The following PHF21A variants were observed in gnomAD, a reference collection of about 807,000 sequenced individuals.
PHF21A encodes PHD finger protein 21A.
In PHF21A, 11 loss-of-function variants were observed where a neutral mutation model predicts 82.5. The ratio of observed to expected loss-of-function variants is 0.13; its 90% CI spans 0.08 to 0.22. PHF21A has a LOEUF of 0.22. Ranked by LOEUF, PHF21A falls within the 10% of genes least tolerant of loss-of-function variation. PHF21A has a pLI of 1.00. For missense variants in PHF21A, 579 were observed against 837.8 expected, an observed-to-expected ratio of 0.69 and a Z score of 3.81; for synonymous variants, 297 against 302.8, an observed-to-expected ratio of 0.98 and a Z score of 0.20.
At chr11:45,987,063 AT>A (rs1182622347) in intron 6 of PHF21A, among the ~76,000 whole-genome samples, 7 of 152,084 alleles carry the variant, frequency 4.6e-5, no homozygotes, top group Non-Finnish European at 1.5e-5. Flanking sequence ...ATAATTATGA[AT>A]GCGTAAAAGA....
chr11:45,967,728 T>C (rs1270060411), intron 9 of PHF21A, among the ~76,000 whole-genome samples: 3 of 152,186 alleles, frequency 2.0e-5, no homozygotes, highest in Non-Finnish European at 4.4e-5. Context: ...TGGTGCCAAG[T>C]GTGGCCCATG....
chr11:45,952,797 T>C (rs2092283708), intron 11 of PHF21A, among the ~76,000 whole-genome samples: 1 of 152,216 alleles, frequency 6.6e-6, no homozygotes, highest in Non-Finnish European at 1.5e-5. Context: ...GGCAAGAGAA[T>C]TACTGGCCAA....
chr11:45,974,111 C>G (rs2093907336), intron 7 of PHF21A, among the ~76,000 whole-genome samples: 1 of 152,164 alleles, frequency 6.6e-6, no homozygotes, highest in African/African-American at 2.4e-5. Context: ...GATTTCACTA[C>G]ATGATTTCTA....
At chr11:46,102,961 G>A (rs1045322580) in intron 1 of PHF21A, among the ~76,000 whole-genome samples, 17 of 152,136 alleles carry the variant, frequency 1.1e-4, no homozygotes, top group Admixed American at 1.1e-3. Context: ...GGCAGGGGAC[G>A]GAAAGAGACC....
At chr11:46,036,513 C>T (rs1340781408) in intron 6 of PHF21A, among the ~76,000 whole-genome samples, 1 of 152,136 alleles carries the variant, frequency 6.6e-6, no homozygotes, top group African/African-American at 2.4e-5. Context: ...TAATTGACTT[C>T]CTTAAAACGT....
chr11:46,120,614 G>A (rs1044131035), intron 1 of PHF21A: 1 of 152,182 alleles, frequency 6.6e-6, no homozygotes, highest in Non-Finnish European at 1.5e-5. Context: ...TCGGGGGGGA[G>A]GTATGGGAAG....
intron 2 of PHF21A, among the ~76,000 whole-genome samples, chr11:46,091,832 C>T (rs2096928292): frequency 8.1e-3 from 1 of 124 alleles, no homozygotes; most frequent in Non-Finnish European, 0.015. Flanking sequence ...GAGCTATAGG[C>T]ACACACCCAC....
At chr11:45,999,363 G>A (rs1385767445) in intron 6 of PHF21A, among the ~76,000 whole-genome samples, 1 of 152,172 alleles carries the variant, frequency 6.6e-6, no homozygotes, top group East Asian at 1.9e-4. Context: ...CAGAAATGGA[G>A]TAAGGCAAGT....
At chr11:46,070,914 C>G (rs553664555) in intron 6 of PHF21A, among the ~76,000 whole-genome samples, 7 of 152,134 alleles carry the variant, frequency 4.6e-5, no homozygotes, top group Non-Finnish European at 8.8e-5. Context: ...GACAGGGTAT[C>G]TCATGGGGAA....
At chr11:45,957,206 C>T (rs1170849831) in intron 10 of PHF21A, among the ~76,000 whole-genome samples, 5 of 76,824 alleles carry the variant, frequency 6.5e-5, no homozygotes, top group Non-Finnish European at 1.1e-4. Context: ...TTCAATATCC[C>T]TCTTTAAGTA....
In PHF21A at chr11:45,980,549, G is replaced by T. The variant is rs2094234457; in HGVS notation, c.154-583C>A. Among the ~76,000 whole-genome samples, 4 of 152,160 alleles carry T rather than the reference G, an allele frequency of 2.6e-5. 1 individual carries two copies. In the South Asian group the frequency reaches 8.3e-4, roughly 32 times the overall value. ...GTCTCTCTATACTGCCCAGGTTGGA[G>T]TACAGTAGCTATTCACAGGTGTAGT... On this transcript the variant is annotated intron_variant, in intron 6 of 18. Coordinates refer to ENST00000676320, the MANE Select transcript of PHF21A (RefSeq NM_001352027.3).
chr11:46,081,690 G>A (rs999788457), intron 4 of PHF21A, among the ~76,000 whole-genome samples: 2 of 152,156 alleles, frequency 1.3e-5, no homozygotes, highest in African/African-American at 4.8e-5. Flanking sequence ...GTTACTTTCC[G>A]CCAGAATGCG....
At chr11:46,005,745 G>C in intron 6 of PHF21A, among the ~76,000 whole-genome samples, 1 of 152,118 alleles carries the variant, frequency 6.6e-6, no homozygotes, top group East Asian at 1.9e-4. Flanking sequence ...AATATTTGTA[G>C]CACAATTAAG....
intron 1 of PHF21A, chr11:46,118,016 A>G (rs1270916676): frequency 1.3e-5 from 2 of 152,190 alleles, no homozygotes; most frequent in African/African-American, 2.4e-5. Flanking sequence ...AAATTCAAAA[A>G]TTTCCTTTAT....
chr11:46,021,546 ATGTG>A (rs35528009), intron 6 of PHF21A, among the ~76,000 whole-genome samples: 1 of 151,654 alleles, frequency 6.6e-6, no homozygotes, highest in East Asian at 1.9e-4. Flanking sequence ...GTGTGTGTGC[ATGTG>A]TGTGTGTGTT....
intron 1 of PHF21A, among the ~76,000 whole-genome samples, chr11:46,113,271 A>C (rs1468949463): frequency 6.6e-6 from 1 of 152,190 alleles, no homozygotes; most frequent in Non-Finnish European, 1.5e-5. Context: ...CAATTTGACT[A>C]TATCTTATTA....
At chr11:46,036,394 A>C (rs2096004515) in intron 6 of PHF21A, among the ~76,000 whole-genome samples, 1 of 152,220 alleles carries the variant, frequency 6.6e-6, no homozygotes, top group African/African-American at 2.4e-5. Context: ...ATTCTTTTTC[A>C]AAGTTTCCTT....
intron 14 of PHF21A, among the ~76,000 whole-genome samples, chr11:45,946,835 C>T (rs751790364): frequency 2.0e-5 from 3 of 152,114 alleles, no homozygotes; most frequent in Non-Finnish European, 4.4e-5. Flanking sequence ...GGGTGGAGAC[C>T]GGCAAAGCAA....
At chr11:46,101,733 T>G (rs999715536) in intron 1 of PHF21A, among the ~76,000 whole-genome samples, 3 of 152,136 alleles carry the variant, frequency 2.0e-5, no homozygotes, top group African/African-American at 7.2e-5. Flanking sequence ...CCTACCAGGC[T>G]TAATCAATCC....
Sources: allele counts gnomAD v4.1 joint callset (sites outside exome capture counted in the v4.1 genomes callset), GRCh38; gene constraint gnomAD v4.1.1; transcripts MANE v1.5; gene names NCBI Gene and HGNC (gene_info 2026-07-23, HGNC 2026-07-21).